The following FLOT2 variants were observed in gnomAD, a reference collection of about 807,000 sequenced individuals.
The protein encoded by FLOT2 is flotillin-2.
Under a neutral mutation model 54.9 loss-of-function variants are expected in FLOT2, and 35 were observed. The ratio of observed to expected loss-of-function variants is 0.64; its 90% CI spans 0.49 to 0.84. The LOEUF (loss-of-function observed/expected upper bound fraction) is 0.84, where lower values mean the gene tolerates loss of function less well. FLOT2 is among the 40% of genes least tolerant of loss of function. The pLI is 0.00. For synonymous variants in FLOT2, 207 were observed against 228.9 expected (o/e 0.90, Z 0.86); for missense variants, 464 against 572.1 (o/e 0.81, Z 1.93).
At chr17:28,895,771 G>A (rs2039731089) in intron 1 of FLOT2, among the ~76,000 whole-genome samples, 1 of 151,706 alleles carries the variant, frequency 6.6e-6, no homozygotes, top group African/African-American at 2.4e-5. Context: ...ATTTTCAAAA[G>A]TAGAGAGAAA....
Position 28,882,853 on chromosome 17 carries a change from G to A in FLOT2, c.347-162C>T, listed in dbSNP as rs2039479468. ...AGCACTTAACACCGAGCTTCCTGCT[G>A]CACAGTCCAGGCTGAATGAGGAAAA... On this transcript the variant is annotated intron_variant, in intron 4 of 10. Transcript: ENST00000394908. The surrounding 1 kb of genome is among the most constrained non-coding windows in gnomAD (Gnocchi z 5.6). 2 of 653,016 alleles carry A rather than the reference G, an allele frequency of 3.1e-6. No homozygotes were observed. Among genetic ancestry groups the A allele is most frequent in the African/African-American group, 3.6e-5 (2 of 55,232 alleles). The allele number at this position is 653,016 out of a possible 1,614,324, so 40.5% of individuals were successfully genotyped here.
rs543068430 is a variant in FLOT2, at chr17:28,897,601, G to A, written c.-27C>T. The A allele has an allele frequency of 1.3e-6, 2 of 1,571,832 alleles. No individual in the cohort carries two copies. Among genetic ancestry groups the A allele is most frequent in the South Asian group, 2.3e-5 (2 of 86,044 alleles). ...GCGCCGGCGGCACGGAGGGCCCTCGGGACCGCACAGACCCGGACAACAGCA... is the reference window on the plus strand; with the variant it reads ...GCGCCGGCGGCACGGAGGGCCCTCGAGACCGCACAGACCCGGACAACAGCA... On this transcript the variant is annotated 5_prime_UTR_variant, in exon 1 of 11. Transcript: ENST00000394908. The surrounding 1 kb of genome is among the most constrained non-coding windows in gnomAD (Gnocchi z 4.4).
At position 28,884,160 on chromosome 17, in the gene FLOT2, C is replaced by T; in HGVS notation, c.222+65G>A. 1 of 1,227,336 alleles carries T rather than the reference C, an allele frequency of 8.1e-7. No individual in the cohort carries two copies. Among genetic ancestry groups the T allele is most frequent in the Non-Finnish European group, 1.2e-6 (1 of 829,918 alleles). The allele number at this position is 1,227,336 out of a possible 1,614,324, so 76.0% of individuals were successfully genotyped here. A position where few individuals can be genotyped will look rare whatever the true frequency, so the allele number is the denominator to read the frequency against. On this transcript the variant is annotated intron_variant, in intron 3 of 10. Transcript: ENST00000394908. The surrounding 1 kb of genome is among the most constrained non-coding windows in gnomAD (Gnocchi z 5.1). ...CCTGGCTGCTGTCCTCTCCTCCTCC[C>T]CCCGAACCCGAGTACGGGACCAGGC...
intron 8 of FLOT2, among the ~76,000 whole-genome samples, chr17:28,881,585 C>T (rs2039448724): frequency 6.6e-6 from 1 of 152,222 alleles, no homozygotes; most frequent in African/African-American, 2.4e-5. Flanking sequence ...AACCAGGATG[C>T]CGTCTATGCC....
chr17:28,886,960 C>T (rs2039557326), intron 2 of FLOT2, among the ~76,000 whole-genome samples: 1 of 151,854 alleles, frequency 6.6e-6, no homozygotes, highest in East Asian at 1.9e-4. Flanking sequence ...CTTGACCCAG[C>T]TCAGACAGGA....
At chr17:28,886,589 C>T (rs965769841) in intron 2 of FLOT2, among the ~76,000 whole-genome samples, 8 of 152,146 alleles carry the variant, frequency 5.3e-5, no homozygotes, top group African/African-American at 9.7e-5. Context: ...CAAAGTTGGC[C>T]AGGGGCAGAG....
chr17:28,889,638 C>CT (rs961795890), intron 1 of FLOT2, among the ~76,000 whole-genome samples: 9 of 149,966 alleles, frequency 6.0e-5, no homozygotes, highest in Non-Finnish European at 8.9e-5. Context: ...GGCCAGCTTC[C>CT]TTTTTTTTTG....
At chr17:28,886,109 G>A (rs1567932708) in intron 2 of FLOT2, 10 of 655,998 alleles carry the variant, frequency 1.5e-5, no homozygotes, top group Admixed American at 4.2e-5. Flanking sequence ...CAGCTCAGCC[G>A]AGGGCTGCAG....
chr17:28,882,744 A>G lies in FLOT2; in HGVS notation c.347-53T>C. The stretch of plus-strand genomic sequence containing the variant: ...TCCCCAGGGACCCAGCCAGCTGGGG[A>G]AGGGAGGAGGCATGCATGTAGAGGT... On this transcript the variant is annotated intron_variant, in intron 4 of 10. Transcript: ENST00000394908. This position sits in a 1 kb window ranked among gnomAD's most constrained non-coding sequence, Gnocchi z 5.6. The G allele has an allele frequency of 8.2e-7, 1 of 1,221,810 alleles. No homozygotes were observed. The highest frequency in any genetic ancestry group is 1.2e-6 in the Non-Finnish European group (1 of 827,782). 75.7% of individuals were successfully genotyped at this position (1,221,810 alleles called of 1,614,324 possible).
chr17:28,890,467 A>C (rs1271160182), intron 1 of FLOT2, among the ~76,000 whole-genome samples: 1 of 151,558 alleles, frequency 6.6e-6, no homozygotes, highest in African/African-American at 2.4e-5. Context: ...GCTCACTGCA[A>C]GCTCCACCTC....
rs1448269518 is a variant in FLOT2, at chr17:28,880,094, C to T, written c.*467G>A. ...AGGGTTTAGGGCTGGGAAGACCAGT[C>T]CAGGAGAGAGGACAGTGACCGTCCT... On this transcript the variant is annotated 3_prime_UTR_variant, in exon 11 of 11. Transcript: ENST00000394908. 1 of 1,008,792 alleles carries T rather than the reference C, an allele frequency of 9.9e-7. No individual in the cohort carries two copies. The highest frequency in any genetic ancestry group is 1.7e-5 in the African/African-American group (1 of 57,550). The allele number at this position is 1,008,792 out of a possible 1,614,324, so 62.5% of individuals were successfully genotyped here.
chr17:28,883,029 C>G lies in FLOT2; in HGVS notation c.346+79G>C. 6.9e-7 allele frequency: 1 copy of G among 1,457,544 alleles called. No homozygotes were observed. 90.3% of individuals were successfully genotyped at this position (1,457,544 alleles called of 1,614,324 possible). A position where few individuals can be genotyped will look rare whatever the true frequency, so the allele number is the denominator to read the frequency against. ...AGCTTGAAACTCCTGTGAAACAGGC[C>G]CCCTGCCCAGCCCTGCACACCTCCC... On this transcript the variant is annotated intron_variant, in intron 4 of 10. Transcript: ENST00000394908. The surrounding 1 kb of genome is among the most constrained non-coding windows in gnomAD (Gnocchi z 5.0).
chr17:28,895,776 G>A (rs1427176981), intron 1 of FLOT2, among the ~76,000 whole-genome samples: 1 of 151,758 alleles, frequency 6.6e-6, no homozygotes, highest in Non-Finnish European at 1.5e-5. Flanking sequence ...CAAAAGTAGA[G>A]AGAAAAAAGG....
chr17:28,887,211 C>T (rs1321336278), intron 2 of FLOT2, among the ~76,000 whole-genome samples: 2 of 152,004 alleles, frequency 1.3e-5, no homozygotes, highest in Non-Finnish European at 2.9e-5. Context: ...CCCAAGGGCA[C>T]GTGACATATA....
intron 1 of FLOT2, among the ~76,000 whole-genome samples, chr17:28,895,057 A>G (rs1459306247): frequency 6.7e-6 from 1 of 150,144 alleles, no homozygotes; most frequent in East Asian, 2.0e-4. Context: ...GACCACAGGT[A>G]TGTGCCACCA....
rs890494833 is a variant in FLOT2, at chr17:28,879,956, C to A, written c.*605G>T. ...AGGGAGAAAGGACAGGGTATGAGCG[C>A]TGGCTGGGGCCTTGGGTGGATGAGG... On this transcript the variant is annotated 3_prime_UTR_variant, in exon 11 of 11. Transcript: ENST00000394908. The A allele has an allele frequency of 1.0e-6, 1 of 987,122 alleles. No homozygotes were observed. Among genetic ancestry groups the A allele is most frequent in the African/African-American group, 1.7e-5 (1 of 57,272 alleles). The allele number at this position is 987,122 out of a possible 1,614,324, so 61.1% of individuals were successfully genotyped here. A position where few individuals can be genotyped will look rare whatever the true frequency, so the allele number is the denominator to read the frequency against.
chr17:28,895,573 C>G (rs1193407925), intron 1 of FLOT2, among the ~76,000 whole-genome samples: 4 of 152,092 alleles, frequency 2.6e-5, no homozygotes, highest in African/African-American at 9.7e-5. Context: ...AATAGATTTT[C>G]AAGGTACCAG....
chr17:28,897,124 G>A lies in FLOT2; in HGVS notation c.49+402C>T, dbSNP rs532870325. Among the ~76,000 whole-genome samples, 5 of 152,252 alleles carry A rather than the reference G, an allele frequency of 3.3e-5. No individual in the cohort carries two copies. The East Asian group carries it at 9.7e-4, about 30-fold the overall frequency. ...CCCCATACAGGCACCTGCCCTCCAG[G>A]GCTGCGCGACCCGCCCCCCATCCCG... On this transcript the variant is annotated intron_variant, in intron 1 of 10. Transcript: ENST00000394908. The surrounding 1 kb of genome is among the most constrained non-coding windows in gnomAD (Gnocchi z 4.4).
At position 28,880,075 on chromosome 17, in the gene FLOT2, T is replaced by C. The variant is rs1289307647; in HGVS notation, c.*486A>G. 27 of 993,376 alleles carry C rather than the reference T, an allele frequency of 2.7e-5. No individual in the cohort carries two copies. The highest frequency in any genetic ancestry group is 3.0e-5 in the Non-Finnish European group (25 of 835,174). The allele number at this position is 993,376 out of a possible 1,614,324, so 61.5% of individuals were successfully genotyped here. ...GCTGTGGGCTTCCTGGGGCAGGGTT[T>C]AGGGCTGGGAAGACCAGTCCAGGAG... On this transcript the variant is annotated 3_prime_UTR_variant, in exon 11 of 11. Coordinates refer to ENST00000394908, the MANE Select transcript of FLOT2 (RefSeq NM_004475.3).
Sources: gnomAD v4.1 joint callset for allele counts (sites outside exome capture counted in the v4.1 genomes callset) on GRCh38, gnomAD v4.1.1 for gene constraint, Gnocchi (gnomAD v3.1) non-coding constraint, MANE v1.5 for transcripts, NCBI Gene and HGNC (gene_info 2026-07-23, HGNC 2026-07-21) for gene names.